TBC1D2B: variants seen among roughly 807,000 people sequenced by gnomAD.
The protein encoded by TBC1D2B is TBC1 domain family, member 2B.
A neutral mutation model predicts 100.8 loss-of-function variants in TBC1D2B; 64 were observed. That is an observed-to-expected ratio of 0.64 (90% CI 0.52 to 0.78). The LOEUF (loss-of-function observed/expected upper bound fraction) is 0.78. TBC1D2B is among the 30% of genes least tolerant of loss of function. The pLI is 0.00. For synonymous variants in TBC1D2B, 480 were observed against 479.7 expected, an observed-to-expected ratio of 1.00 and a Z score of -0.01; for missense variants, 1,052 against 1,218.4, an observed-to-expected ratio of 0.86 and a Z score of 2.03.
At chr15:78,067,575 C>A (rs1426936140) in intron 1 of TBC1D2B, among the ~76,000 whole-genome samples, 1 of 152,248 alleles carries the variant, frequency 6.6e-6, no homozygotes, top group Non-Finnish European at 1.5e-5. Flanking sequence ...CTGCCCACCT[C>A]CAGGCCACGG....
chr15:78,001,131 G>A (rs1266719379), intron 12 of TBC1D2B, among the ~76,000 whole-genome samples: 1 of 152,148 alleles, frequency 6.6e-6, no homozygotes, highest in Non-Finnish European at 1.5e-5. Context: ...ACAGCTCTGC[G>A]CCACCACTCC....
At chr15:78,058,680 G>A (rs2073478626) in intron 1 of TBC1D2B, among the ~76,000 whole-genome samples, 1 of 152,180 alleles carries the variant, frequency 6.6e-6, no homozygotes, top group Admixed American at 6.5e-5. Flanking sequence ...CCAAAGACAC[G>A]CCCGCCGGAG....
intron 1 of TBC1D2B, among the ~76,000 whole-genome samples, 170 bp downstream of exon 1, chr15:78,077,123 T>A (rs898270395): frequency 6.6e-6 from 1 of 151,460 alleles, no homozygotes; most frequent in South Asian, 2.1e-4. Flanking sequence ...GCCCAGATAG[T>A]GGGGAGGAGA....
intron 9 of TBC1D2B, among the ~76,000 whole-genome samples, chr15:78,009,680 A>G (rs1029452606): frequency 6.6e-6 from 1 of 152,226 alleles, no homozygotes; most frequent in Non-Finnish European, 1.5e-5. Flanking sequence ...AGTTTTCATT[A>G]TAAGATTTTT....
chr15:78,073,735 G>A (rs2073776178), intron 1 of TBC1D2B, among the ~76,000 whole-genome samples: 1 of 152,142 alleles, frequency 6.6e-6, no homozygotes, highest in East Asian at 1.9e-4. Flanking sequence ...ACTTTGAGAG[G>A]CAGAGGCAGG....
At chr15:78,065,477 AC>A (rs766771942) in intron 1 of TBC1D2B, among the ~76,000 whole-genome samples, 3 of 152,206 alleles carry the variant, frequency 2.0e-5, no homozygotes, top group Non-Finnish European at 4.4e-5. Context: ...GCTCGTCCCT[AC>A]AGGAAATGTA....
At position 78,030,165 on chromosome 15, in the gene TBC1D2B, G is replaced by A. The variant is rs2072774114; in HGVS notation, c.689C>T (p.Ser230Leu). The A allele has an allele frequency of 3.1e-6, 5 of 1,606,222 alleles. No individual in the cohort carries two copies. The highest frequency in any genetic ancestry group is 4.2e-6 in the Non-Finnish European group (5 of 1,177,282). Residue 230 changes from serine (S) to leucine (L), a missense_variant, in exon 4 of 13, where the codon TCG (serine) becomes TTG (leucine). By Grantham distance (145) the Ser-to-Leu change is moderately radical. Transcript: ENST00000300584. ...TCTCCCAGGACGGAAAGAAGACATC[G>A]AATTCCTGTTGGGAAAAACAATATG... The part of the protein sequence containing the change: ...LKQWGNELKN[S>L]MSSFRPGRGH...
intron 6 of TBC1D2B, among the ~76,000 whole-genome samples, chr15:78,022,509 C>T (rs1024882700): frequency 6.6e-6 from 1 of 151,912 alleles, no homozygotes; most frequent in Non-Finnish European, 1.5e-5. Flanking sequence ...TAACCAAGAC[C>T]TCTTATTAAA....
chr15:78,013,845 C>CTAA lies in TBC1D2B; in HGVS notation c.1776-529_1776-528insTTA, dbSNP rs879668753. Among the ~76,000 whole-genome samples the CTAA allele has an allele frequency of 1.8e-4, 27 of 152,196 alleles. No individual in the cohort carries two copies. The East Asian group carries it at 5.0e-3, about 28-fold the overall frequency. On this transcript the variant is annotated intron_variant, in intron 8 of 12. Coordinates refer to ENST00000300584, the MANE Select transcript of TBC1D2B (RefSeq NM_144572.2). ...GGCAATAGGAATGTTGTTAATGGAA[C>CTAA]GTTAATGCAGTTAAGACTACAGAAC...
rs749817223 is a variant in TBC1D2B at position 77,998,253 on chromosome 15, G to T, written c.2799C>A (p.Thr933=). The T allele has an allele frequency of 2.5e-6, 4 of 1,597,512 alleles. No individual in the cohort carries two copies. In the Admixed American group the frequency reaches 7.0e-5, roughly 28 times the overall value. ...YHLEKVRLEL[T]ELEAIREDFL... ...AGTCCTCACGGATGGCCTCCAGCTCGGTCAGCTCCAGCCGGACTTTCTCCA... is the reference window on the plus strand; with the variant it reads ...AGTCCTCACGGATGGCCTCCAGCTCTGTCAGCTCCAGCCGGACTTTCTCCA... Residue 933 remains threonine (T), a synonymous_variant, in exon 13 of 13, where the codon ACC becomes ACA. Coordinates refer to ENST00000300584, the MANE Select transcript of TBC1D2B (RefSeq NM_144572.2).
At chr15:78,038,724 G>C (rs912889376) in intron 3 of TBC1D2B, among the ~76,000 whole-genome samples, 4 of 152,138 alleles carry the variant, frequency 2.6e-5, no homozygotes, top group Non-Finnish European at 1.5e-5. Context: ...TTGCTCCCTT[G>C]GTGGCCCTGG....
chr15:78,015,348 A>G (rs953247721), intron 8 of TBC1D2B, among the ~76,000 whole-genome samples: 2 of 152,248 alleles, frequency 1.3e-5, no homozygotes, highest in East Asian at 1.9e-4. Flanking sequence ...TATATGTTAC[A>G]TAATTCTGTC....
rs57409303 is a variant in TBC1D2B at position 78,023,713 on chromosome 15, C to T, written c.1470+443G>A. 6.5e-3 allele frequency among the ~76,000 whole-genome samples: 991 copies of T among 152,294 alleles called. 19 individuals are homozygous for T. Among genetic ancestry groups the T allele is most frequent in the African/African-American group, 0.023 (942 of 41,548 alleles). On this transcript the variant is annotated intron_variant, in intron 6 of 12. Coordinates refer to ENST00000300584, the MANE Select transcript of TBC1D2B (RefSeq NM_144572.2). ...CCAGGCCTACTTGGAAGCTGGAGTC[C>T]GCTTCCCCAGCTAACCCCATACTAG...
At chr15:78,054,860 CAT>C (rs2073388376) in intron 1 of TBC1D2B, among the ~76,000 whole-genome samples, 1 of 152,100 alleles carries the variant, frequency 6.6e-6, no homozygotes, top group South Asian at 2.1e-4. Flanking sequence ...GGAATGAAAA[CAT>C]ATTCACACAA....
At chr15:78,032,280 C>T (rs975191095) in intron 3 of TBC1D2B, among the ~76,000 whole-genome samples, 3 of 152,122 alleles carry the variant, frequency 2.0e-5, no homozygotes, top group Non-Finnish European at 1.5e-5. Context: ...CTGAGAAAGG[C>T]TACTGATGGT....
intron 6 of TBC1D2B, among the ~76,000 whole-genome samples, chr15:78,021,369 C>T (rs752694803): frequency 6.6e-6 from 1 of 152,006 alleles, no homozygotes; most frequent in Non-Finnish European, 1.5e-5. Flanking sequence ...AATTTGGAAT[C>T]AGAAGTAGGA....
chr15:78,053,382 G>T (rs1449986923), intron 2 of TBC1D2B, among the ~76,000 whole-genome samples: 1 of 152,174 alleles, frequency 6.6e-6, no homozygotes, highest in Non-Finnish European at 1.5e-5. Context: ...TTGTTTGTTT[G>T]TTTTTCTGGA....
At chr15:78,055,193 C>T (rs988801857) in intron 1 of TBC1D2B, among the ~76,000 whole-genome samples, 5 of 151,942 alleles carry the variant, frequency 3.3e-5, no homozygotes, top group African/African-American at 7.3e-5. Context: ...GACTACAAAG[C>T]GGCAGCACAA....
At chr15:78,026,266 G>A (rs778674162) in intron 4 of TBC1D2B, among the ~76,000 whole-genome samples, 2 of 151,944 alleles carry the variant, frequency 1.3e-5, no homozygotes, top group Non-Finnish European at 2.9e-5. Flanking sequence ...CCTAATAACA[G>A]GTGATTAGGT....
Sources: gnomAD v4.1 joint callset for allele counts (sites outside exome capture counted in the v4.1 genomes callset) on GRCh38, gnomAD v4.1.1 for gene constraint, MANE v1.5 for transcripts, NCBI Gene and HGNC (gene_info 2026-07-23, HGNC 2026-07-21) for gene names.